The following GALNT13 variants were observed in gnomAD, a reference collection of about 807,000 sequenced individuals.
GALNT13 encodes the protein UDP-GalNAc:polypeptide N-acetylgalactosaminyltransferase 13.
In GALNT13, 28 loss-of-function variants were observed where a neutral mutation model predicts 64.2. The ratio of observed to expected loss-of-function variants is 0.44; its 90% CI spans 0.32 to 0.60. The LOEUF (loss-of-function observed/expected upper bound fraction) is 0.60. Among genes scored for constraint, GALNT13 ranks in the 20% least tolerant of loss-of-function variants. The pLI is 0.05. For missense variants in GALNT13, 577 were observed against 669.8 expected, an observed-to-expected ratio of 0.86 and a Z score of 1.53; for synonymous variants, 214 against 224.6, an observed-to-expected ratio of 0.95 and a Z score of 0.42.
intron 8 of GALNT13, among the ~76,000 whole-genome samples, chr2:154,299,684 C>T (rs536732963): frequency 4.6e-5 from 7 of 151,222 alleles, no homozygotes; most frequent in East Asian, 3.9e-4. Context: ...AGGATGGTCT[C>T]GATCTCTTGA....
At chr2:154,145,092 C>CTATATATA (rs1380676288) in intron 4 of GALNT13, among the ~76,000 whole-genome samples, 52 of 127,766 alleles carry the variant, frequency 4.1e-4, no homozygotes, top group African/African-American at 9.4e-4. Flanking sequence ...ATCTATCTAT[C>CTATATATA]TATCTATCTA....
At chr2:153,525,228 C>G in the GALNT13 span, among the ~76,000 whole-genome samples, 5 of 152,160 alleles carry the variant, frequency 3.3e-5, no homozygotes, top group Admixed American at 6.5e-5. Context: ...GCCCTTGCGC[C>G]CTGAATAACC....
the GALNT13 span, among the ~76,000 whole-genome samples, chr2:153,266,590 G>A: frequency 8.2e-5 from 12 of 146,774 alleles, no homozygotes; most frequent in Admixed American, 8.1e-4. Context: ...GAGAGAGCTC[G>A]AGTGCAGGGG....
chr2:153,630,392 G>T, the GALNT13 span, among the ~76,000 whole-genome samples: 10 of 149,504 alleles, frequency 6.7e-5, no homozygotes, highest in Admixed American at 1.3e-4. Context: ...GTAAACTTTC[G>T]CAAGGACAAA....
intron 3 of GALNT13, among the ~76,000 whole-genome samples, chr2:154,074,589 A>T (rs72870315): frequency 0.19 from 28,208 of 151,720 alleles, 3,306 homozygotes; most frequent in Non-Finnish European, 0.26. Flanking sequence ...TCATTCTATG[A>T]GGCCAGCATT....
chr2:153,215,864 T>C, the GALNT13 span, among the ~76,000 whole-genome samples: 3 of 152,036 alleles, frequency 2.0e-5, no homozygotes, highest in Admixed American at 6.5e-5. Context: ...AAATCCACAC[T>C]TTGTAGTATA....
At chr2:154,022,532 A>G (rs928687281) in intron 3 of GALNT13, among the ~76,000 whole-genome samples, 11 of 152,150 alleles carry the variant, frequency 7.2e-5, no homozygotes, top group Non-Finnish European at 1.3e-4. Context: ...CTGTGGGATC[A>G]GTGGTGATAT....
At chr2:153,810,808 G>T in the GALNT13 span, among the ~76,000 whole-genome samples, 2 of 152,138 alleles carry the variant, frequency 1.3e-5, no homozygotes, top group East Asian at 1.9e-4. Context: ...AAAATGTTGT[G>T]CTTATAAGTA....
At chr2:154,142,086 A>G (rs1683287616) in intron 4 of GALNT13, among the ~76,000 whole-genome samples, 1 of 152,196 alleles carries the variant, frequency 6.6e-6, no homozygotes, top group African/African-American at 2.4e-5. Context: ...TTCCATGTAA[A>G]TAGAAATTGT....
the GALNT13 span, among the ~76,000 whole-genome samples, chr2:153,605,699 A>G: frequency 6.6e-6 from 1 of 152,152 alleles, no homozygotes; most frequent in Admixed American, 6.6e-5. Context: ...CTACTGCTGT[A>G]TAAAAATAAG....
chr2:154,022,035 G>T (rs1197316098), intron 3 of GALNT13, among the ~76,000 whole-genome samples: 1 of 152,116 alleles, frequency 6.6e-6, no homozygotes, highest in Non-Finnish European at 1.5e-5. Flanking sequence ...AACCAGCCTT[G>T]CATCCCAGGG....
At chr2:154,225,357 C>T (rs1688562901) in intron 4 of GALNT13, among the ~76,000 whole-genome samples, 1 of 152,030 alleles carries the variant, frequency 6.6e-6, no homozygotes, top group Non-Finnish European at 1.5e-5. Context: ...GTTCTGCTTG[C>T]AAGTCTATGG....
At chr2:154,134,434 A>G (rs1401443670) in intron 3 of GALNT13, among the ~76,000 whole-genome samples, 5 of 152,348 alleles carry the variant, frequency 3.3e-5, no homozygotes. Flanking sequence ...TTAATTTTCA[A>G]TTCACCCATT....
the GALNT13 span, among the ~76,000 whole-genome samples, chr2:153,667,288 C>A: frequency 2.6e-5 from 4 of 152,088 alleles, no homozygotes; most frequent in African/African-American, 9.7e-5. Flanking sequence ...CAGAGAACCC[C>A]TGCAAGATAC....
At chr2:153,421,568 G>T in the GALNT13 span, 1 of 235,432 alleles carries the variant, frequency 4.2e-6, no homozygotes, top group East Asian at 1.1e-4. Context: ...GTGGAAAACC[G>T]AGAAGCCCTG....
At chr2:153,430,061 CATT>C in the GALNT13 span, among the ~76,000 whole-genome samples, 1 of 152,036 alleles carries the variant, frequency 6.6e-6, no homozygotes, top group African/African-American at 2.4e-5. Context: ...CTGTGTGAAT[CATT>C]ATGTTTCACA....
At chr2:153,801,935 A>T in the GALNT13 span, among the ~76,000 whole-genome samples, 1 of 152,002 alleles carries the variant, frequency 6.6e-6, no homozygotes, top group South Asian at 2.1e-4. Flanking sequence ...TTCTGCTTCT[A>T]ATTTGTACTG....
At chr2:153,137,918 T>C in the GALNT13 span, among the ~76,000 whole-genome samples, 1 of 151,962 alleles carries the variant, frequency 6.6e-6, no homozygotes, top group East Asian at 1.9e-4. Flanking sequence ...GGAAACTGCC[T>C]CTTCAACCAA....
chr2:153,823,461 C>G, the GALNT13 span, among the ~76,000 whole-genome samples: 1 of 151,844 alleles, frequency 6.6e-6, no homozygotes, highest in African/African-American at 2.4e-5. Flanking sequence ...AACCCAGATA[C>G]AAACCCTCAC....
Sources: gnomAD v4.1 joint callset for allele counts (sites outside exome capture counted in the v4.1 genomes callset) on GRCh38, gnomAD v4.1.1 for gene constraint, MANE v1.5 for transcripts, NCBI Gene and HGNC (gene_info 2026-07-23, HGNC 2026-07-21) for gene names.